Variants in ZNF385D observed in about 807,000 individuals in gnomAD.
ZNF385D encodes zinc finger protein 385D.
A neutral mutation model predicts 35.8 loss-of-function variants in ZNF385D; 15 were observed. The observed-to-expected ratio is 0.42, with a 90% confidence interval of 0.28 to 0.64. The LOEUF (loss-of-function observed/expected upper bound fraction) is 0.64. ZNF385D is among the 30% of genes least tolerant of loss of function. The pLI, the probability that ZNF385D is intolerant of heterozygous loss-of-function variation, is 0.23. For missense variants in ZNF385D, 474 were observed against 494.6 expected (o/e 0.96, Z 0.39); for synonymous variants, 212 against 186.8 (o/e 1.13, Z -1.10).
At chr3:21,684,160 T>C (rs1461599813) in intron 1 of ZNF385D, among the ~76,000 whole-genome samples, 1 of 149,600 alleles carries the variant, frequency 6.7e-6, no homozygotes, top group Non-Finnish European at 1.5e-5. Flanking sequence ...CACTGTCTCC[T>C]GTAACAACTT....
intron 2 of ZNF385D, among the ~76,000 whole-genome samples, chr3:22,337,597 C>G (rs1001443849): frequency 6.6e-6 from 1 of 152,000 alleles, no homozygotes; most frequent in Non-Finnish European, 1.5e-5. Context: ...TAGAACTCAC[C>G]GAAAATGCCC....
chr3:22,165,780 T>G (rs949835401), intron 3 of ZNF385D, among the ~76,000 whole-genome samples: 2 of 152,206 alleles, frequency 1.3e-5, no homozygotes, highest in African/African-American at 2.4e-5. Flanking sequence ...CACTGAATTC[T>G]TGGCAACTCT....
intron 3 of ZNF385D, among the ~76,000 whole-genome samples, chr3:22,091,594 A>T (rs879717444): frequency 1.1e-4 from 17 of 151,646 alleles, no homozygotes; most frequent in Non-Finnish European, 2.2e-4. Flanking sequence ...CAGTAGGAAA[A>T]AAAAAGCCCT....
In ZNF385D at chr3:21,908,157, T is replaced by TCTATCTATCTATCTATCTATCTAC. The variant is rs1553696865; in HGVS notation, c.326-243130_326-243129insGTAGATAGATAGATAGATAGATAG. ...ATCTATCTATCTATCTATCTATCTATCTATCTATCTATCTATATATGTATA... is the reference window on the plus strand; with the variant it reads ...ATCTATCTATCTATCTATCTATCTATCTATCTATCTATCTATCTATCTACCTATCTATCTATCTATATATGTATA... On this transcript the variant is annotated intron_variant, in intron 3 of 5. Transcript: ENST00000494108. Among the ~76,000 whole-genome samples, 254 of 150,274 alleles carry TCTATCTATCTATCTATCTATCTAC rather than the reference T, an allele frequency of 1.7e-3. 2 individuals are homozygous for TCTATCTATCTATCTATCTATCTAC. Among genetic ancestry groups the TCTATCTATCTATCTATCTATCTAC allele is most frequent in the Non-Finnish European group, 2.2e-3 (146 of 67,736 alleles).
intron 4 of ZNF385D, chr3:21,441,588 A>T: frequency 1.6e-6 from 1 of 613,742 alleles, no homozygotes; most frequent in Non-Finnish European, 2.0e-6. Flanking sequence ...AGCTAGAGTC[A>T]ATTACGTATA....
intron 3 of ZNF385D, among the ~76,000 whole-genome samples, chr3:21,772,390 A>AACAAC (rs57422453): frequency 1.6e-4 from 24 of 151,740 alleles, no homozygotes; most frequent in Admixed American, 4.6e-4. Flanking sequence ...ACAACAACAA[A>AACAAC]AAAACAAGCT....
At chr3:22,090,746 C>G (rs1701287797) in intron 3 of ZNF385D, among the ~76,000 whole-genome samples, 1 of 152,058 alleles carries the variant, frequency 6.6e-6, no homozygotes, top group South Asian at 2.1e-4. Context: ...TACGTTTGAA[C>G]CAAATGAAAT....
rs192596284 is a variant in ZNF385D at position 21,674,057 on chromosome 3, C to T, written c.23-9029G>A. On this transcript the variant is annotated intron_variant, in intron 1 of 7. Transcript: ENST00000281523. ...GGTCTTGTTTACTCATGATCTGTAC[C>T]TCTTAACTGAGACTTGCCTGCACGA... Among the ~76,000 whole-genome samples the T allele has an allele frequency of 3.9e-5, 6 of 152,202 alleles. No individual in the cohort carries two copies. The East Asian group carries it at 1.2e-3, about 29-fold the overall frequency.
intron 3 of ZNF385D, among the ~76,000 whole-genome samples, chr3:21,994,363 T>G (rs1330387928): frequency 6.6e-6 from 1 of 152,252 alleles, no homozygotes; most frequent in Non-Finnish European, 1.5e-5. Flanking sequence ...ATTCACCGAA[T>G]TCTTTAGTTC....
intron 3 of ZNF385D, among the ~76,000 whole-genome samples, chr3:22,120,451 T>C (rs775304571): frequency 5.9e-5 from 9 of 152,242 alleles, no homozygotes; most frequent in Non-Finnish European, 1.0e-4. Flanking sequence ...CTTAATTACT[T>C]TTTTAAGAGT....
intron 5 of ZNF385D, among the ~76,000 whole-genome samples, chr3:21,432,466 A>C (rs1175476478): frequency 6.6e-6 from 1 of 152,178 alleles, no homozygotes; most frequent in Non-Finnish European, 1.5e-5. Flanking sequence ...CAATGTTGCT[A>C]AATTAGTAAT....
At chr3:21,669,366 A>AT (rs1173757684) in intron 1 of ZNF385D, among the ~76,000 whole-genome samples, 7 of 152,202 alleles carry the variant, frequency 4.6e-5, no homozygotes, top group Non-Finnish European at 8.8e-5. Flanking sequence ...TATGTTTAGA[A>AT]TTTAAGTTTC....
At chr3:21,931,630 A>G (rs1177272184) in intron 3 of ZNF385D, among the ~76,000 whole-genome samples, 2 of 152,176 alleles carry the variant, frequency 1.3e-5, no homozygotes, top group African/African-American at 4.8e-5. Context: ...CCAACATACT[A>G]TGCTATTGAG....
chr3:22,298,380 G>GTGTA (rs2125407831), intron 2 of ZNF385D, among the ~76,000 whole-genome samples: 1 of 144,868 alleles, frequency 6.9e-6, no homozygotes, highest in African/African-American at 2.5e-5. Context: ...ATGTATGTGT[G>GTGTA]TGTGTGTGTG....
rs2062115236 is a variant in ZNF385D, at chr3:21,539,276, C to A, written c.276+25298G>T. On this transcript the variant is annotated intron_variant, in intron 3 of 7. Coordinates refer to ENST00000281523, the MANE Select transcript of ZNF385D (RefSeq NM_024697.3). The surrounding 1 kb of genome is among the most constrained non-coding windows in gnomAD (Gnocchi z 4.0). ...TCAGTGCTGTGTGGCTTCTACATTT[C>A]TACATAGATCACTTTCTCATTAATT... Among the ~76,000 whole-genome samples, 1 of 151,956 alleles carries A rather than the reference C, an allele frequency of 6.6e-6. No homozygotes were observed. The highest frequency in any genetic ancestry group is 2.4e-5 in the African/African-American group (1 of 41,372).
intron 2 of ZNF385D, among the ~76,000 whole-genome samples, chr3:21,566,407 C>T (rs2125656869): frequency 6.6e-6 from 1 of 152,218 alleles, no homozygotes; most frequent in South Asian, 2.1e-4. Context: ...GGGTGGATCT[C>T]TTGAGGTCAG....
intron 2 of ZNF385D, among the ~76,000 whole-genome samples, chr3:21,581,915 A>G (rs891645656): frequency 1.3e-5 from 2 of 152,178 alleles, no homozygotes; most frequent in Non-Finnish European, 2.9e-5. Context: ...GATGACTGAG[A>G]TGCATTGCTC....
intron 3 of ZNF385D, among the ~76,000 whole-genome samples, chr3:21,982,351 G>A (rs1255342531): frequency 6.6e-6 from 1 of 151,994 alleles, no homozygotes; most frequent in African/African-American, 2.4e-5. Flanking sequence ...GCAATTGTAA[G>A]TAGAATCGCC....
chr3:21,802,439 G>C (rs1350585894), intron 3 of ZNF385D, among the ~76,000 whole-genome samples: 1 of 152,082 alleles, frequency 6.6e-6, no homozygotes, highest in East Asian at 1.9e-4. Flanking sequence ...GCCTTCAAAA[G>C]CATAGAATAA....
Sources: allele counts gnomAD v4.1 joint callset (sites outside exome capture counted in the v4.1 genomes callset), GRCh38; gene constraint gnomAD v4.1.1; non-coding constraint Gnocchi (gnomAD v3.1); transcripts MANE v1.5; gene names NCBI Gene and HGNC (gene_info 2026-07-23, HGNC 2026-07-21).